The following CREBBP variants were observed in gnomAD, a reference collection of about 807,000 sequenced individuals.
CREBBP encodes CREB-binding protein.
A neutral mutation model predicts 265.0 loss-of-function variants in CREBBP; 19 were observed. That is an observed-to-expected ratio of 0.07 (90% CI 0.05 to 0.11). CREBBP has a LOEUF of 0.11. CREBBP is among the 10% of genes least tolerant of loss of function. CREBBP has a pLI of 1.00. For synonymous variants in CREBBP, 1,457 were observed against 1,223.7 expected, an observed-to-expected ratio of 1.19 and a Z score of -3.98; for missense variants, 2,525 against 3,219.0, an observed-to-expected ratio of 0.78 and a Z score of 5.22.
chr16:3,731,930 T>G lies in CREBBP; in HGVS notation c.4736A>C (p.Gln1579Pro). The stretch of plus-strand genomic sequence containing the variant: ...CTTCTTGGCATTCTTGCTGTCGCCC[T>G]GACTGCCCTGCAACAACACGCAAGG... Reference protein sequence around the residue: ...TAASETTEGSQGDSKNAKKKN... With the variant: ...TAASETTEGSPGDSKNAKKKN... Residue 1579 changes from glutamine (Q) to proline (P), a missense_variant, in exon 29 of 31, where the codon CAG becomes CCG. Gln to Pro is a moderately conservative substitution (Grantham distance 76). Coordinates refer to ENST00000262367, the MANE Select transcript of CREBBP (RefSeq NM_004380.3). The surrounding 1 kb of genome is among the most constrained non-coding windows in gnomAD (Gnocchi z 7.7). The G allele has an allele frequency of 6.2e-7, 1 of 1,614,234 alleles. No individual in the cohort carries two copies. The highest frequency in any genetic ancestry group is 8.5e-7 in the Non-Finnish European group (1 of 1,180,040).
chr16:3,849,437 GTGTGTGTGTGTGTGTGTGT>G (rs2054759473), intron 2 of CREBBP, among the ~76,000 whole-genome samples: 47 of 16,476 alleles, frequency 2.9e-3, no homozygotes, highest in East Asian at 9.1e-3. Context: ...GTGTGTGTGT[GTGTGTGTGTGTGTGTGTGT>G]GTGTGTGTGT....
chr16:3,836,349 G>A (rs1203280015), intron 2 of CREBBP, among the ~76,000 whole-genome samples: 15 of 150,368 alleles, frequency 1.0e-4, no homozygotes, highest in South Asian at 2.1e-4. Context: ...TAGGAGAATC[G>A]CTTGAACCCA....
intron 2 of CREBBP, among the ~76,000 whole-genome samples, chr16:3,814,803 G>A (rs1461241992): frequency 2.6e-5 from 4 of 152,172 alleles, no homozygotes; most frequent in Non-Finnish European, 2.9e-5. Context: ...AAAAATTCCC[G>A]TCTTTAGCCT....
Position 3,757,764 on chromosome 16 carries a change from G to T in CREBBP, c.3609+45C>A, listed in dbSNP as rs129996. The T allele has an allele frequency of 2.6e-3, 4,114 of 1,610,162 alleles. 11 individuals carry two copies. Among genetic ancestry groups the T allele is most frequent in the South Asian group, 4.4e-3 (399 of 90,998 alleles). On this transcript the variant is annotated intron_variant, in intron 18 of 30. Coordinates refer to ENST00000262367, the MANE Select transcript of CREBBP (RefSeq NM_004380.3). The stretch of plus-strand genomic sequence containing the variant: ...TATTAGTATAACACCCCTCTGGCTG[G>T]ATTAACCAGGAAAATTCACTTTCCG...
At chr16:3,798,347 T>C (rs1297712628) in intron 3 of CREBBP, among the ~76,000 whole-genome samples, 1 of 152,240 alleles carries the variant, frequency 6.6e-6, no homozygotes, top group Non-Finnish European at 1.5e-5. Flanking sequence ...TAAACTTTTA[T>C]GCTTCAAAGG....
At chr16:3,778,872 G>T in intron 8 of CREBBP, 55 bp from the exon 9 acceptor site, 1 of 1,526,128 alleles carries the variant, frequency 6.6e-7, no homozygotes, top group Non-Finnish European at 9.0e-7. Flanking sequence ...TTTTTTTAAA[G>T]ACATGGGGTT....
chr16:3,834,933 C>G (rs2054413619), intron 2 of CREBBP, among the ~76,000 whole-genome samples: 1 of 152,032 alleles, frequency 6.6e-6, no homozygotes, highest in Non-Finnish European at 1.5e-5. Flanking sequence ...CCGAGGCGGG[C>G]GGATCACGAG....
intron 3 of CREBBP, among the ~76,000 whole-genome samples, chr16:3,803,227 G>A (rs377076211): frequency 6.8e-5 from 9 of 132,282 alleles, no homozygotes; most frequent in Non-Finnish European, 1.1e-4. Context: ...GGTGGCTCAC[G>A]CCTGTAATCC....
chr16:3,856,025 T>A (rs1388578593), intron 1 of CREBBP, among the ~76,000 whole-genome samples: 2 of 152,270 alleles, frequency 1.3e-5, no homozygotes, highest in Admixed American at 1.3e-4. Flanking sequence ...ATGCATTGCA[T>A]GCATGTTACA....
chr16:3,777,807 G>A lies in CREBBP; in HGVS notation c.2114-150C>T, dbSNP rs3025696. On this transcript the variant is annotated intron_variant, in intron 10 of 30. Coordinates refer to ENST00000262367, the MANE Select transcript of CREBBP (RefSeq NM_004380.3). The stretch of plus-strand genomic sequence containing the variant: ...AAAGCACGTGTGTTCCAATGCCAGC[G>A]CACCCTGTAAAGGGCCTTCCCAAGA... 0.011 allele frequency: 11,920 copies of A among 1,093,470 alleles called. 837 individuals carry two copies. In the African/African-American group the frequency reaches 0.16, roughly 14 times the overall value. 67.7% of individuals were successfully genotyped at this position (1,093,470 alleles called of 1,614,324 possible).
chr16:3,870,497 T>C (rs117815702), intron 1 of CREBBP, among the ~76,000 whole-genome samples: 3,248 of 152,342 alleles, frequency 0.021, 40 homozygotes, highest in Middle Eastern at 0.037. Flanking sequence ...CAGAGTTCCA[T>C]TTAATTAAGA....
At chr16:3,777,758 A>G in intron 10 of CREBBP, 101 bp from the exon 11 acceptor site, 1 of 1,406,382 alleles carries the variant, frequency 7.1e-7, no homozygotes, top group African/African-American at 1.4e-5. Flanking sequence ...TCAAACTTAA[A>G]AGGGAAAACA....
chr16:3,875,794 C>T (rs2055387978), intron 1 of CREBBP, among the ~76,000 whole-genome samples: 2 of 152,188 alleles, frequency 1.3e-5, no homozygotes, highest in Admixed American at 1.3e-4. Flanking sequence ...TCTTCCCTTC[C>T]TCACAGGACG....
intron 5 of CREBBP, among the ~76,000 whole-genome samples, chr16:3,787,490 T>C (rs1596932443): frequency 6.6e-6 from 1 of 152,096 alleles, no homozygotes; most frequent in East Asian, 1.9e-4. Flanking sequence ...CTACAGTCTG[T>C]CAAAAGAGGT....
chr16:3,739,824 G>A (rs2052157418), intron 24 of CREBBP, 100 bp from the exon 25 acceptor site: 2 of 1,543,976 alleles, frequency 1.3e-6, no homozygotes, highest in East Asian at 2.3e-5. Flanking sequence ...CTGCAGATGA[G>A]CGGAGGCATG....
At chr16:3,848,227 G>A (rs558994198) in intron 2 of CREBBP, among the ~76,000 whole-genome samples, 4 of 151,894 alleles carry the variant, frequency 2.6e-5, no homozygotes, top group African/African-American at 9.7e-5. Context: ...ACTATTCTGT[G>A]GATACTGGCT....
In CREBBP at chr16:3,760,519, C is replaced by T. The variant is rs528217230; in HGVS notation, c.3251-1547G>A. Reference sequence around the variant, plus strand: ...CTGAATTCAAGTGATTCTCCTGCCTCAGCCTCCCGAGTAGCTGGGATTACA... The same window carrying T: ...CTGAATTCAAGTGATTCTCCTGCCTTAGCCTCCCGAGTAGCTGGGATTACA... On this transcript the variant is annotated intron_variant, in intron 16 of 30. Transcript: ENST00000262367. Among the ~76,000 whole-genome samples, 75 of 149,310 alleles carry T rather than the reference C, an allele frequency of 5.0e-4. 2 individuals carry two copies. In the South Asian group the frequency reaches 0.015, roughly 30 times the overall value.
chr16:3,745,492 G>A (rs2052321238), intron 21 of CREBBP, 138 bp from the exon 22 acceptor site: 3 of 745,034 alleles, frequency 4.0e-6, no homozygotes, highest in Admixed American at 4.0e-5. Context: ...TGTGTTGGCT[G>A]ATTCAGCTAT....
rs79960274 is a variant in CREBBP, at chr16:3,776,416, G to A, written c.2158+1197C>T. ...CTGCTTCAACCAACCAAAAACCAGA[G>A]GCTCTCTACTTAAGAACCTTTCAAG... On this transcript the variant is annotated intron_variant, in intron 11 of 30. Transcript: ENST00000262367. Among the ~76,000 whole-genome samples the A allele has an allele frequency of 7.6e-3, 1,152 of 152,160 alleles. 13 individuals are homozygous for A. The highest frequency in any genetic ancestry group is 0.02 in the Middle Eastern group (6 of 294).
Sources: allele counts gnomAD v4.1 joint callset (sites outside exome capture counted in the v4.1 genomes callset), GRCh38; gene constraint gnomAD v4.1.1; non-coding constraint Gnocchi (gnomAD v3.1); transcripts MANE v1.5; gene names NCBI Gene and HGNC (gene_info 2026-07-23, HGNC 2026-07-21).